Variants in PP2D1 observed in about 807,000 individuals in gnomAD.
PP2D1 encodes the protein protein phosphatase 2C-like domain-containing protein 1.
Under a neutral mutation model 30.2 loss-of-function variants are expected in PP2D1, and 25 were observed. The ratio of observed to expected loss-of-function variants is 0.83; its 90% CI spans 0.60 to 1.16. PP2D1 has a LOEUF of 1.16. PP2D1 is among the 50% of genes most tolerant of loss of function. PP2D1 has a pLI of 0.00. For missense variants in PP2D1, 760 were observed against 742.4 expected, an observed-to-expected ratio of 1.02 and a Z score of -0.28; for synonymous variants, 260 against 258.9, an observed-to-expected ratio of 1.00 and a Z score of -0.04.
At chr3:19,997,468 T>C (rs564842215) in intron 2 of PP2D1, among the ~76,000 whole-genome samples, 1 of 151,972 alleles carries the variant, frequency 6.6e-6, no homozygotes, top group Non-Finnish European at 1.5e-5. Flanking sequence ...TTATCAACAA[T>C]GTTGGAGATG....
downstream of PP2D1, among the ~76,000 whole-genome samples, chr3:19,981,758 T>C (rs994131690): frequency 1.3e-5 from 2 of 152,134 alleles, no homozygotes; most frequent in Non-Finnish European, 2.9e-5. Flanking sequence ...GAACAGCCAC[T>C]AGCTGTATAG....
chr3:20,005,324 G>A (rs896700877), intron 1 of PP2D1, among the ~76,000 whole-genome samples: 2 of 151,620 alleles, frequency 1.3e-5, no homozygotes, highest in African/African-American at 4.8e-5. Flanking sequence ...GGCTAATTTT[G>A]TATTTTTAGT....
Position 19,985,836 on chromosome 3 carries a change from T to G in PP2D1, c.1437A>C (p.Glu479Asp), listed in dbSNP as rs1365926793. 11 of 1,536,090 alleles carry G rather than the reference T, an allele frequency of 7.2e-6. No homozygotes were observed. Among genetic ancestry groups the G allele is most frequent in the Admixed American group, 5.9e-5 (3 of 50,978 alleles). The stretch of plus-strand genomic sequence containing the variant: ...TGTTAGGTATGATAGGACAGTATGT[T>G]TCTTTATACATGTGAAATGTTGTCA... ...LAMTTFHMYK[E>D]TYCPIIPNKS... Residue 479 changes from glutamate to aspartate, a missense_variant, in exon 3 of 3, where the codon GAA (glutamate) becomes GAC (aspartate). By Grantham distance (45) the Glu-to-Asp change is conservative. Transcript: ENST00000389050.
chr3:20,001,921 A>G lies in PP2D1; in HGVS notation c.199T>C (p.Ser67Pro), dbSNP rs1697260231. 1 of 1,536,316 alleles carries G rather than the reference A, an allele frequency of 6.5e-7. No individual in the cohort carries two copies. Among genetic ancestry groups the G allele is most frequent in the Admixed American group, 2.0e-5 (1 of 50,976 alleles). ...VYEQGTTLPC[S>P]ICKHEIDLTG... is the part of the protein sequence containing the mutation. ...AGGTCAATTTCGTGCTTGCATATGG[A>G]ACAGGGTAATGTGGTCCCTTGCTCA... Residue 67 changes from serine to proline, a missense_variant, in exon 2 of 3, where the codon TCC becomes CCC. Physicochemically the swap from Ser to Pro is moderately conservative, Grantham distance 74 (BLOSUM62 -1). Coordinates refer to ENST00000389050, the MANE Select transcript of PP2D1 (RefSeq NM_001252657.2).
At chr3:19,990,529 G>C (rs2125138979) in intron 2 of PP2D1, among the ~76,000 whole-genome samples, 1 of 151,762 alleles carries the variant, frequency 6.6e-6, no homozygotes, top group East Asian at 1.9e-4. Context: ...TTAACTATTT[G>C]TGTATCTAAC....
chr3:19,980,088 T>G (rs1469959833), exon 4 of PP2D1: 2 of 152,234 alleles, frequency 1.3e-5, no homozygotes, highest in Admixed American at 6.5e-5. Context: ...GTTTGCAGTT[T>G]GCTAGGGAAG....
chr3:19,995,470 A>T lies in PP2D1; in HGVS notation c.1090+5560T>A, dbSNP rs192275497. Among the ~76,000 whole-genome samples the T allele has an allele frequency of 2.5e-3, 376 of 152,318 alleles. 2 individuals carry two copies. Among genetic ancestry groups the T allele is most frequent in the Middle Eastern group, 0.017 (5 of 294 alleles). ...GAAGGATTTCTACCCTAGAAGAGGC[A>T]TGGCCCTGTGAACACCTTGACTTCA... is the stretch of plus-strand genomic sequence containing the variant. On this transcript the variant is annotated intron_variant, in intron 2 of 2. Transcript: ENST00000389050.
chr3:19,984,198 T>G, downstream of PP2D1: 1 of 422,766 alleles, frequency 2.4e-6, no homozygotes, highest in Non-Finnish European at 4.6e-6. Flanking sequence ...ACTTACTAAT[T>G]TGGGCTTTTC....
chr3:20,010,660 G>A (rs572167761), intron 1 of PP2D1, among the ~76,000 whole-genome samples: 21 of 151,944 alleles, frequency 1.4e-4, no homozygotes, highest in South Asian at 2.1e-4. Flanking sequence ...AAAATTAGCC[G>A]GGCATGGTGG....
downstream of PP2D1, among the ~76,000 whole-genome samples, chr3:19,982,191 T>C (rs1220416088): frequency 1.3e-5 from 2 of 152,170 alleles, no homozygotes; most frequent in Admixed American, 6.5e-5. Context: ...TGAGCTATGA[T>C]TGATGCACCA....
downstream of PP2D1, among the ~76,000 whole-genome samples, chr3:19,981,254 C>G (rs972398246): frequency 6.6e-6 from 1 of 152,168 alleles, no homozygotes; most frequent in African/African-American, 2.4e-5. Flanking sequence ...AAGTGATATG[C>G]ATTTAGTACA....
chr3:19,990,565 CA>C (rs1235916975), intron 2 of PP2D1, among the ~76,000 whole-genome samples: 1 of 152,194 alleles, frequency 6.6e-6, no homozygotes, highest in Non-Finnish European at 1.5e-5. Flanking sequence ...TGAGATTCAT[CA>C]GGAAGACTAC....
downstream of PP2D1, chr3:19,983,794 C>T (rs764079310): frequency 6.2e-6 from 10 of 1,610,310 alleles, no homozygotes; most frequent in Admixed American, 3.3e-5. Flanking sequence ...ACCCACACAA[C>T]CAACCAGGAA....
At chr3:20,003,784 G>C (rs906185576) in intron 1 of PP2D1, among the ~76,000 whole-genome samples, 1 of 151,858 alleles carries the variant, frequency 6.6e-6, no homozygotes, top group Non-Finnish European at 1.5e-5. Context: ...TAAAATTTTA[G>C]TTAAAATTTT....
rs551141981 is a variant in PP2D1 at position 19,992,360 on chromosome 3, A to G, written c.1091-6178T>C. Among the ~76,000 whole-genome samples the G allele has an allele frequency of 2.6e-5, 4 of 152,318 alleles. No homozygotes were observed. In the East Asian group the frequency reaches 7.7e-4, roughly 29 times the overall value. ...GTTCCTCAGCACCACCATCAAAAAA[A>G]ACGGAGAAGGGGAAGGGAAGGTATA... On this transcript the variant is annotated intron_variant, in intron 2 of 2. Coordinates refer to ENST00000389050, the MANE Select transcript of PP2D1 (RefSeq NM_001252657.2).
intron 1 of PP2D1, among the ~76,000 whole-genome samples, chr3:20,008,704 T>G (rs1697352247): frequency 6.6e-6 from 1 of 152,012 alleles, no homozygotes. Context: ...TGAGCTGTGA[T>G]CACGCCACTG....
downstream of PP2D1, among the ~76,000 whole-genome samples, chr3:19,981,684 A>G (rs987991295): frequency 1.3e-5 from 2 of 152,230 alleles, no homozygotes. Flanking sequence ...CCCCATTGTA[A>G]GTCAAGGAGC....
intron 2 of PP2D1, among the ~76,000 whole-genome samples, chr3:19,986,632 C>A (rs1214057726): frequency 3.9e-5 from 6 of 152,088 alleles, no homozygotes; most frequent in African/African-American, 1.4e-4. Flanking sequence ...GTTGTGTAAC[C>A]AGTACAAGTT....
chr3:19,995,116 C>G (rs1697165840), intron 2 of PP2D1, among the ~76,000 whole-genome samples: 1 of 152,152 alleles, frequency 6.6e-6, no homozygotes, highest in Admixed American at 6.5e-5. Context: ...AAGGATCAAA[C>G]TATTTCCAAG....
Sources: gnomAD v4.1 joint callset for allele counts (sites outside exome capture counted in the v4.1 genomes callset) on GRCh38, gnomAD v4.1.1 for gene constraint, MANE v1.5 for transcripts, NCBI Gene and HGNC (gene_info 2026-07-23, HGNC 2026-07-21) for gene names.